PDE1C: variants seen among roughly 807,000 people sequenced by gnomAD.
The protein encoded by PDE1C is dual specificity calcium/calmodulin-dependent 3',5'-cyclic nucleotide phosphodiesterase 1C.
PDE1C carries 62 observed loss-of-function variants against 93.1 expected under a neutral mutation model. The observed-to-expected ratio is 0.67, with a 90% CI of 0.54 to 0.82. The LOEUF (loss-of-function observed/expected upper bound fraction) is 0.82. PDE1C is among the 40% of genes least tolerant of loss of function. The pLI, the probability that PDE1C is intolerant of heterozygous loss-of-function variation, is 0.00. For missense variants in PDE1C, 742 were observed against 884.6 expected (o/e 0.84, Z 2.04); for synonymous variants, 325 against 310.1 (o/e 1.05, Z -0.50).
intron 17 of PDE1C, 106 bp from the exon 18 acceptor site, chr7:31,753,659 G>C: frequency 7.1e-7 from 1 of 1,409,728 alleles, no homozygotes; most frequent in Non-Finnish European, 9.3e-7. Context: ...TTTCCTCCAA[G>C]ACCAGGAAAG....
chr7:32,206,483 G>A (rs1267040091), intron 2 of PDE1C, among the ~76,000 whole-genome samples: 1 of 152,156 alleles, frequency 6.6e-6, no homozygotes, highest in Non-Finnish European at 1.5e-5. Context: ...ATCCCAGAGA[G>A]CAGGACTAGA....
intron 2 of PDE1C, among the ~76,000 whole-genome samples, chr7:31,934,641 C>G (rs573706352): frequency 1.3e-5 from 2 of 151,694 alleles, no homozygotes; most frequent in East Asian, 3.9e-4. Flanking sequence ...ACTCTTGCCT[C>G]ATAATCTAAA....
chr7:31,786,054 A>T (rs577129418), intron 16 of PDE1C: 1 of 152,348 alleles, frequency 6.6e-6, no homozygotes, highest in Admixed American at 6.5e-5. Flanking sequence ...GTTCTTTAAC[A>T]TCTAACTTTG....
the PDE1C span, among the ~76,000 whole-genome samples, chr7:31,678,491 A>T: frequency 2.5e-4 from 38 of 152,318 alleles, no homozygotes; most frequent in Non-Finnish European, 5.0e-4. Context: ...GAAGGGAGTA[A>T]ACTTTTAAAC....
intron 1 of PDE1C, among the ~76,000 whole-genome samples, chr7:32,309,034 C>G (rs1446833087): frequency 6.6e-6 from 1 of 151,692 alleles, no homozygotes; most frequent in African/African-American, 2.4e-5. Context: ...CTAGAATAAC[C>G]AATGCAGAGA....
chr7:31,929,265 C>T (rs1359847832), intron 2 of PDE1C, among the ~76,000 whole-genome samples: 2 of 152,160 alleles, frequency 1.3e-5, no homozygotes, highest in African/African-American at 4.8e-5. Flanking sequence ...GCACCTAATA[C>T]AGGAGCTCCC....
At chr7:31,746,450 C>T (rs1195005158), downstream of PDE1C, among the ~76,000 whole-genome samples, 1 of 152,084 alleles carries the variant, frequency 6.6e-6, no homozygotes, top group African/African-American at 2.4e-5. Flanking sequence ...TGAAGAAGTC[C>T]AGCAAGTCAT....
At chr7:31,943,547 T>C (rs1189829829) in intron 2 of PDE1C, among the ~76,000 whole-genome samples, 1 of 152,214 alleles carries the variant, frequency 6.6e-6, no homozygotes, top group Non-Finnish European at 1.5e-5. Context: ...TCTTCCAACC[T>C]AACATTGTTA....
intron 2 of PDE1C, among the ~76,000 whole-genome samples, chr7:32,007,002 A>G (rs1339403659): frequency 6.6e-6 from 1 of 152,214 alleles, no homozygotes; most frequent in Non-Finnish European, 1.5e-5. Context: ...ACTTTCTGTG[A>G]TGCTCTTTGG....
intron 2 of PDE1C, among the ~76,000 whole-genome samples, chr7:31,920,974 G>A (rs1802553015): frequency 6.6e-6 from 1 of 152,134 alleles, no homozygotes; most frequent in Non-Finnish European, 1.5e-5. Context: ...CCATGACTGA[G>A]TTTTCAGTAG....
At chr7:32,414,960 G>A (rs1307115077) in intron 1 of PDE1C, among the ~76,000 whole-genome samples, 1 of 152,062 alleles carries the variant, frequency 6.6e-6, no homozygotes, top group African/African-American at 2.4e-5. Flanking sequence ...AAAGTAATAA[G>A]ATAAATATTA....
chr7:31,835,748 T>C (rs1791013388), intron 11 of PDE1C, among the ~76,000 whole-genome samples: 1 of 151,424 alleles, frequency 6.6e-6, no homozygotes, highest in Non-Finnish European at 1.5e-5. Flanking sequence ...TCAGTGGAAA[T>C]AAACTCCAAT....
At chr7:32,339,923 G>C (rs1360759911) in intron 1 of PDE1C, among the ~76,000 whole-genome samples, 1 of 152,186 alleles carries the variant, frequency 6.6e-6, no homozygotes, top group Non-Finnish European at 1.5e-5. Flanking sequence ...TGGCATGGTT[G>C]TGTTTTCTAC....
At chr7:32,030,154 G>C (rs913607199) in intron 2 of PDE1C, among the ~76,000 whole-genome samples, 7 of 150,632 alleles carry the variant, frequency 4.6e-5, no homozygotes, top group African/African-American at 1.5e-4. Flanking sequence ...TCTCTCAGGA[G>C]GAACCTGGGA....
At chr7:31,918,527 A>G (rs1802213603) in intron 2 of PDE1C, among the ~76,000 whole-genome samples, 1 of 152,132 alleles carries the variant, frequency 6.6e-6, no homozygotes, top group African/African-American at 2.4e-5. Context: ...TCTGAAGACT[A>G]TGAACCATTC....
At chr7:31,675,248 T>TGTA in the PDE1C span, among the ~76,000 whole-genome samples, 2 of 152,144 alleles carry the variant, frequency 1.3e-5, no homozygotes, top group African/African-American at 4.8e-5. Flanking sequence ...TCAAGGTACA[T>TGTA]CCTTGAATTC....
At chr7:32,107,212 T>G (rs1395345609) in intron 3 of PDE1C, among the ~76,000 whole-genome samples, 1 of 146,428 alleles carries the variant, frequency 6.8e-6, no homozygotes, top group African/African-American at 2.5e-5. Context: ...GTATAATATA[T>G]GTGTAGCAAG....
intron 3 of PDE1C, among the ~76,000 whole-genome samples, chr7:32,107,147 A>C (rs1798362048): frequency 9.7e-6 from 1 of 102,568 alleles, no homozygotes; most frequent in African/African-American, 2.7e-5. Context: ...CTGAAATGTA[A>C]AGAAAAAAAA....
At chr7:32,030,522 G>A (rs978052681) in intron 2 of PDE1C, among the ~76,000 whole-genome samples, 5 of 151,986 alleles carry the variant, frequency 3.3e-5, no homozygotes, top group Non-Finnish European at 7.4e-5. Context: ...GACATCAGTA[G>A]GCTTCTACGT....
Sources: gnomAD v4.1 joint callset for allele counts (sites outside exome capture counted in the v4.1 genomes callset) on GRCh38, gnomAD v4.1.1 for gene constraint, MANE v1.5 for transcripts, NCBI Gene and HGNC (gene_info 2026-07-23, HGNC 2026-07-21) for gene names.